SPICE1: variants seen among roughly 807,000 people sequenced by gnomAD.
SPICE1 encodes spindle and centriole associated protein 1.
A neutral mutation model predicts 102.7 loss-of-function variants in SPICE1; 75 were observed. The ratio of observed to expected loss-of-function variants is 0.73; its 90% CI spans 0.61 to 0.88. The LOEUF (loss-of-function observed/expected upper bound fraction) is 0.88, where lower values mean the gene tolerates loss of function less well. Ranked by LOEUF, SPICE1 falls within the 40% of genes least tolerant of loss-of-function variation. The pLI is 0.00. For missense variants in SPICE1, 979 were observed against 1,020.1 expected, an observed-to-expected ratio of 0.96 and a Z score of 0.55; for synonymous variants, 308 against 350.3, an observed-to-expected ratio of 0.88 and a Z score of 1.35.
chr3:113,472,127 T>C (rs2107469038), intron 7 of SPICE1, among the ~76,000 whole-genome samples: 2 of 152,266 alleles, frequency 1.3e-5, no homozygotes, highest in South Asian at 4.1e-4. Context: ...AACCAGGAGA[T>C]TATATCCGGC....
In SPICE1 at chr3:113,457,501, T is replaced by G. The variant is rs774478961; in HGVS notation, c.1436-144A>C. The G allele has an allele frequency of 6.4e-5, 49 of 762,534 alleles. 1 individual carries two copies. Among genetic ancestry groups the G allele is most frequent in the Non-Finnish European group, 8.5e-5 (41 of 480,428 alleles). The allele number at this position is 762,534 out of a possible 1,614,324, so 47.2% of individuals were successfully genotyped here. On this transcript the variant is annotated intron_variant, in intron 12 of 17. Coordinates refer to ENST00000295872, the MANE Select transcript of SPICE1 (RefSeq NM_144718.4). ...CTCCTGGAGCCTTCACTTTCTAGGC[T>G]GTATCCTCCTCTGCCAATCATTCAT... is the stretch of plus-strand genomic sequence containing the variant.
chr3:113,485,932 G>A (rs558136816), intron 7 of SPICE1, among the ~76,000 whole-genome samples: 1 of 152,104 alleles, frequency 6.6e-6, no homozygotes, highest in South Asian at 2.1e-4. Flanking sequence ...AGTGGGAACT[G>A]AACAATGTAG....
intron 7 of SPICE1, among the ~76,000 whole-genome samples, chr3:113,469,472 T>A (rs901897344): frequency 6.8e-6 from 1 of 146,692 alleles, no homozygotes; most frequent in African/African-American, 2.5e-5. Flanking sequence ...TAATTACACA[T>A]AATTATAAAA....
chr3:113,466,475 T>C (rs1936059270), intron 10 of SPICE1, among the ~76,000 whole-genome samples: 1 of 151,950 alleles, frequency 6.6e-6, no homozygotes, highest in Admixed American at 6.6e-5. Flanking sequence ...CTGGGCGTGG[T>C]GGTGCACGCC....
intron 2 of SPICE1, among the ~76,000 whole-genome samples, chr3:113,503,548 A>C: frequency 6.6e-6 from 1 of 152,232 alleles, no homozygotes; most frequent in Non-Finnish European, 1.5e-5. Context: ...TATATTCAAA[A>C]TGAGTAAGTT....
At position 113,450,336 on chromosome 3, in the gene SPICE1, C is replaced by T. The variant is rs1935616548; in HGVS notation, c.2323G>A (p.Glu775Lys). 1 of 1,613,916 alleles carries T rather than the reference C, an allele frequency of 6.2e-7. No individual in the cohort carries two copies. Among genetic ancestry groups the T allele is most frequent in the Non-Finnish European group, 8.5e-7 (1 of 1,179,908 alleles). The change falls in exon 15 of 18, where the codon GAA (glutamate) becomes AAA (lysine). Residue 775 changes from glutamate (E) to lysine (K), a missense_variant and splice_region_variant. Glu to Lys is a moderately conservative substitution (Grantham distance 56, BLOSUM62 1). Transcript: ENST00000295872. ...TTTAAATCATGAATTTGTGACCAAC[C>T]AGTCCATGCTCTGAGAGGTAACTGA... The part of the protein sequence containing the change: ...PVQLPLRAWT[E>K]GAKRTIEVSI...
intron 1 of SPICE1, among the ~76,000 whole-genome samples, chr3:113,510,918 AAAAC>A (rs1357363509): frequency 2.6e-5 from 4 of 152,250 alleles, no homozygotes; most frequent in South Asian, 2.1e-4. Flanking sequence ...AATTGACAAA[AAAAC>A]AAACAACCCC....
intron 11 of SPICE1, among the ~76,000 whole-genome samples, chr3:113,465,100 CAA>C (rs35595850): frequency 0.067 from 8,746 of 131,320 alleles, 312 homozygotes; most frequent in African/African-American, 0.11. Flanking sequence ...GACACCATCT[CAA>C]AAAAAAAAAA....
chr3:113,496,169 A>G (rs963321149), intron 4 of SPICE1, among the ~76,000 whole-genome samples: 10 of 151,826 alleles, frequency 6.6e-5, no homozygotes, highest in Non-Finnish European at 1.2e-4. Context: ...AGGGAAGCCA[A>G]AAGACTGGAA....
chr3:113,488,911 G>A (rs7625841), intron 7 of SPICE1, 34 bp downstream of exon 7: 628,288 of 1,318,730 alleles, frequency 0.48, 155,386 homozygotes, highest in East Asian at 0.74. Flanking sequence ...GAAAAAACCT[G>A]AGAGTTGTAA....
At chr3:113,505,088 C>T (rs1937081372) in intron 2 of SPICE1, among the ~76,000 whole-genome samples, 1 of 152,162 alleles carries the variant, frequency 6.6e-6, no homozygotes, top group Admixed American at 6.5e-5. Context: ...ATACTCAAAT[C>T]CCACCTAATT....
chr3:113,488,836 T>C, intron 7 of SPICE1, 109 bp downstream of exon 7: 1 of 664,182 alleles, frequency 1.5e-6, no homozygotes, highest in Non-Finnish European at 2.6e-6. Flanking sequence ...AAACAAATTT[T>C]TAAATAAAAA....
chr3:113,481,362 G>A (rs1936497197), intron 7 of SPICE1, among the ~76,000 whole-genome samples: 1 of 150,966 alleles, frequency 6.6e-6, no homozygotes, highest in African/African-American at 2.4e-5. Context: ...CTCTATATGA[G>A]AGAAATGTTA....
intron 6 of SPICE1, among the ~76,000 whole-genome samples, chr3:113,489,583 T>A (rs1272936939): frequency 6.6e-6 from 1 of 152,150 alleles, no homozygotes; most frequent in Non-Finnish European, 1.5e-5. Flanking sequence ...TGGTGGCTCA[T>A]GCCTAAAACT....
chr3:113,455,545 C>T (rs1935760963), intron 13 of SPICE1, among the ~76,000 whole-genome samples: 1 of 152,206 alleles, frequency 6.6e-6, no homozygotes, highest in African/African-American at 2.4e-5. Flanking sequence ...GGAGCAGACA[C>T]AGAACATTTT....
In SPICE1 at chr3:113,472,642, C is replaced by A. The variant is rs138779192; in HGVS notation, c.612-3404G>T. Among the ~76,000 whole-genome samples the A allele has an allele frequency of 9.9e-4, 151 of 152,362 alleles. No homozygotes were observed. In the Middle Eastern group the frequency reaches 0.01, roughly 10 times the overall value. Reference sequence around the variant, plus strand: ...TCGCGGTTCACGAAAATCCACTGTTCTGCAGCCACCGCTGCTGATACCCAG... The same window carrying A: ...TCGCGGTTCACGAAAATCCACTGTTATGCAGCCACCGCTGCTGATACCCAG... On this transcript the variant is annotated intron_variant, in intron 7 of 17. Transcript: ENST00000295872.
chr3:113,463,884 C>T (rs374710184), intron 11 of SPICE1, among the ~76,000 whole-genome samples: 43 of 152,200 alleles, frequency 2.8e-4, no homozygotes, highest in East Asian at 5.8e-4. Context: ...CTGGCTAACA[C>T]GGTGAAACCT....
chr3:113,509,171 C>T (rs551345393), intron 1 of SPICE1, among the ~76,000 whole-genome samples: 15 of 152,082 alleles, frequency 9.9e-5, no homozygotes, highest in South Asian at 6.2e-4. Flanking sequence ...ATGTTAGTTG[C>T]GCAATTATGT....
intron 2 of SPICE1, among the ~76,000 whole-genome samples, chr3:113,505,670 G>A (rs961100770): frequency 2.0e-5 from 3 of 152,206 alleles, no homozygotes; most frequent in Non-Finnish European, 4.4e-5. Flanking sequence ...GGAAGCGAAG[G>A]CACGAGGATC....
Sources: gnomAD v4.1 joint callset for allele counts (sites outside exome capture counted in the v4.1 genomes callset) on GRCh38, gnomAD v4.1.1 for gene constraint, MANE v1.5 for transcripts, NCBI Gene and HGNC (gene_info 2026-07-23, HGNC 2026-07-21) for gene names.